The following PAPOLA variants were observed in gnomAD, a reference collection of about 807,000 sequenced individuals.
PAPOLA encodes the protein polynucleotide adenylyltransferase alpha.
PAPOLA carries 15 observed loss-of-function variants against 100.6 expected under a neutral mutation model. That is an observed-to-expected ratio of 0.15 (90% CI 0.10 to 0.23). PAPOLA has a LOEUF of 0.23. Ranked by LOEUF, PAPOLA falls within the 10% of genes least tolerant of loss-of-function variation. PAPOLA has a pLI of 1.00. For synonymous variants in PAPOLA, 293 were observed against 300.0 expected (o/e 0.98, Z 0.24); for missense variants, 533 against 884.2 (o/e 0.60, Z 5.04).
At chr14:96,559,690 A>G (rs914291860) in intron 19 of PAPOLA, among the ~76,000 whole-genome samples, 16 of 151,130 alleles carry the variant, frequency 1.1e-4, no homozygotes, top group African/African-American at 3.9e-4. Flanking sequence ...TGTCATAAGT[A>G]TAATGAACTG....
chr14:96,507,280 G>GTTTTTTTTTTTTTTTTTTT lies in PAPOLA; in HGVS notation c.8+4687_8+4705dup, dbSNP rs71103533. Among the ~76,000 whole-genome samples, 41 of 80,702 alleles carry GTTTTTTTTTTTTTTTTTTT rather than the reference G, an allele frequency of 5.1e-4. 6 individuals carry two copies. The highest frequency in any genetic ancestry group is 1.3e-3 in the African/African-American group (23 of 17,606). The allele number at this position is 80,702 out of a possible 152,430, so 52.9% of individuals were successfully genotyped here. A position where few individuals can be genotyped will look rare whatever the true frequency, so the allele number is the denominator to read the frequency against. Reference sequence around the variant, plus strand: ...ACTAAATTTTTTGTTTTGGAAAATAGTTTTTTTTTTTTTTTTTTTTTTTTT... The same window carrying GTTTTTTTTTTTTTTTTTTT: ...ACTAAATTTTTTGTTTTGGAAAATAGTTTTTTTTTTTTTTTTTTTTTTTTTTTTTTTTTTTTTTTTTTTT... On this transcript the variant is annotated intron_variant, in intron 1 of 21. Coordinates refer to ENST00000216277, the MANE Select transcript of PAPOLA (RefSeq NM_032632.5).
At chr14:96,535,576 A>AT in intron 10 of PAPOLA, 1 of 1,033,750 alleles carries the variant, frequency 9.7e-7, no homozygotes, top group Non-Finnish European at 1.2e-6. Context: ...CTGTTGTTGA[A>AT]TAAAGAAAAA....
Position 96,559,588 on chromosome 14 carries a change from T to TATATAC in PAPOLA, c.2005-1056_2005-1055insCATATA, listed in dbSNP as rs1457655329. ...CTCTCTCTCTCTCTCTCTCTATATATATATATATACACACACACATATATA... is the reference window on the plus strand; with the variant it reads ...CTCTCTCTCTCTCTCTCTCTATATATATATACATATATATACACACACACATATATA... On this transcript the variant is annotated intron_variant, in intron 19 of 21. Coordinates refer to ENST00000216277, the MANE Select transcript of PAPOLA (RefSeq NM_032632.5). 4.7e-5 allele frequency among the ~76,000 whole-genome samples: 7 copies of TATATAC among 147,454 alleles called. No individual in the cohort carries two copies. The East Asian group carries it at 1.4e-3, about 29-fold the overall frequency.
At chr14:96,522,131 T>C (rs1470541358) in intron 3 of PAPOLA, among the ~76,000 whole-genome samples, 1 of 139,240 alleles carries the variant, frequency 7.2e-6, no homozygotes, top group Non-Finnish European at 1.6e-5. Context: ...TTTTTTTTTT[T>C]TTTTTTTTTT....
chr14:96,560,734 A>G (rs780334267), intron 20 of PAPOLA, 23 bp downstream of exon 20: 4 of 1,356,448 alleles, frequency 2.9e-6, no homozygotes, highest in Non-Finnish European at 4.2e-6. Context: ...AGCCTTTAGA[A>G]TACATACACA....
Position 96,502,619 on chromosome 14 carries a change from G to C in PAPOLA, c.8+19G>C. ...TGCCGTTGTAAGTAATTTGTATTCTGTTTTCTTTCGCTCGCCGGCTGGGCC... is the reference window on the plus strand; with the variant it reads ...TGCCGTTGTAAGTAATTTGTATTCTCTTTTCTTTCGCTCGCCGGCTGGGCC... On this transcript the variant is annotated intron_variant, in intron 1 of 21. Transcript: ENST00000216277. The C allele has an allele frequency of 6.4e-7, 1 of 1,571,772 alleles. No individual in the cohort carries two copies. The highest frequency in any genetic ancestry group is 8.6e-7 in the Non-Finnish European group (1 of 1,158,556).
intron 19 of PAPOLA, among the ~76,000 whole-genome samples, chr14:96,559,596 T>TATAC (rs1426338442): frequency 2.4e-3 from 346 of 145,520 alleles, no homozygotes; most frequent in African/African-American, 7.4e-3. Context: ...TATATATATA[T>TATAC]ACACACACAC....
intron 21 of PAPOLA, among the ~76,000 whole-genome samples, chr14:96,563,443 T>A (rs183611956): frequency 1.3e-5 from 2 of 152,298 alleles, no homozygotes; most frequent in East Asian, 3.9e-4. Flanking sequence ...TTTCATTGAT[T>A]TGTGAACCTT....
chr14:96,564,728 T>A (rs1052930569), intron 21 of PAPOLA, among the ~76,000 whole-genome samples: 7 of 152,090 alleles, frequency 4.6e-5, no homozygotes, highest in Non-Finnish European at 8.8e-5. Context: ...TTTTAAAATA[T>A]TATTAAAATA....
intron 10 of PAPOLA, chr14:96,535,325 A>G (rs991332581): frequency 7.8e-5 from 77 of 984,866 alleles, no homozygotes; most frequent in Admixed American, 2.5e-4. Context: ...TGAATTTACA[A>G]CTTACTTTGT....
chr14:96,527,328 A>G, intron 4 of PAPOLA, 102 bp from the exon 5 acceptor site: 2 of 685,022 alleles, frequency 2.9e-6, no homozygotes, highest in African/African-American at 1.8e-5. Context: ...GAAGCTCACC[A>G]GTATGTTAAA....
intron 1 of PAPOLA, among the ~76,000 whole-genome samples, chr14:96,512,588 G>A (rs749723423): frequency 3.3e-5 from 5 of 152,174 alleles, no homozygotes; most frequent in Non-Finnish European, 5.9e-5. Flanking sequence ...GACTTAATAC[G>A]TGGGTTATGT....
At chr14:96,526,046 C>G (rs535364654) in intron 4 of PAPOLA, 2 of 152,246 alleles carry the variant, frequency 1.3e-5, no homozygotes, top group Non-Finnish European at 2.9e-5. Flanking sequence ...TATAGCTAAG[C>G]AAAAGCAAAC....
At position 96,517,569 on chromosome 14, in the gene PAPOLA, GA is replaced by G. The variant is rs113573018; in HGVS notation, c.9-2477del. ...CAGTGATATCTCAATAAAACTGGGG[GA>G]AAAAAAAACCTGTGTGTGATGAACA... is the stretch of plus-strand genomic sequence containing the variant. On this transcript the variant is annotated intron_variant, in intron 1 of 21. Coordinates refer to ENST00000216277, the MANE Select transcript of PAPOLA (RefSeq NM_032632.5). 2.9e-3 allele frequency among the ~76,000 whole-genome samples: 428 copies of G among 149,836 alleles called. 3 individuals carry two copies. Among genetic ancestry groups the G allele is most frequent in the Non-Finnish European group, 4.7e-3 (317 of 67,454 alleles).
chr14:96,537,094 C>T, intron 12 of PAPOLA, 34 bp downstream of exon 12: 2 of 1,126,120 alleles, frequency 1.8e-6, no homozygotes, highest in Non-Finnish European at 2.7e-6. Flanking sequence ...ACATGTTGCT[C>T]TCTTAAGTAA....
intron 1 of PAPOLA, among the ~76,000 whole-genome samples, chr14:96,513,115 C>T (rs11627288): frequency 0.26 from 39,184 of 152,064 alleles, 5,556 homozygotes; most frequent in African/African-American, 0.39. Flanking sequence ...TCAGGCTGGA[C>T]TGCAGTGGTG....
At chr14:96,510,182 A>T (rs1362500098) in intron 1 of PAPOLA, among the ~76,000 whole-genome samples, 1 of 151,934 alleles carries the variant, frequency 6.6e-6, no homozygotes, top group Admixed American at 6.5e-5. Flanking sequence ...GGCAGTTTTT[A>T]TAATTTTGAG....
chr14:96,541,366 T>C (rs903447631), intron 12 of PAPOLA, among the ~76,000 whole-genome samples: 3 of 152,204 alleles, frequency 2.0e-5, no homozygotes, highest in Non-Finnish European at 4.4e-5. Context: ...ACTGCTACTT[T>C]TGAAACTAGT....
chr14:96,525,083 C>CT (rs1898350552), intron 3 of PAPOLA, among the ~76,000 whole-genome samples: 2 of 152,262 alleles, frequency 1.3e-5, no homozygotes, highest in South Asian at 4.2e-4. Context: ...GGGCAAGAAT[C>CT]TAACAATAAA....
Sources: allele counts gnomAD v4.1 joint callset (sites outside exome capture counted in the v4.1 genomes callset), GRCh38; gene constraint gnomAD v4.1.1; transcripts MANE v1.5; gene names NCBI Gene and HGNC (gene_info 2026-07-23, HGNC 2026-07-21).